CDK14: variants seen among roughly 807,000 people sequenced by gnomAD.
The protein encoded by CDK14 is cyclin dependent kinase 14.
Under a neutral mutation model 60.7 loss-of-function variants are expected in CDK14, and 34 were observed. The observed-to-expected ratio is 0.56, with a 90% CI of 0.43 to 0.75. The LOEUF (loss-of-function observed/expected upper bound fraction) is 0.75. Among genes scored for constraint, CDK14 ranks in the 30% least tolerant of loss-of-function variants. The pLI is 0.00. For synonymous variants in CDK14, 197 were observed against 203.7 expected (o/e 0.97, Z 0.28); for missense variants, 482 against 564.1 (o/e 0.85, Z 1.47).
At chr7:90,883,188 A>G (rs1196657198) in intron 6 of CDK14, among the ~76,000 whole-genome samples, 1 of 152,202 alleles carries the variant, frequency 6.6e-6, no homozygotes, top group Non-Finnish European at 1.5e-5. Flanking sequence ...AACAAAATAC[A>G]CAGCCTCCTA....
intron 8 of CDK14, among the ~76,000 whole-genome samples, chr7:90,937,088 AAATC>A (rs1793778661): frequency 1.3e-5 from 2 of 152,208 alleles, no homozygotes; most frequent in Admixed American, 1.3e-4. Flanking sequence ...CTTAAAAAAT[AAATC>A]AAATAAATAA....
At chr7:91,057,491 C>T (rs927540418) in intron 11 of CDK14, among the ~76,000 whole-genome samples, 3 of 151,868 alleles carry the variant, frequency 2.0e-5, no homozygotes, top group Admixed American at 6.6e-5. Context: ...ATGCCTATGT[C>T]CTGAATGGTA....
chr7:91,159,247 G>A (rs1168007810), intron 14 of CDK14, among the ~76,000 whole-genome samples: 1 of 152,194 alleles, frequency 6.6e-6, no homozygotes, highest in Non-Finnish European at 1.5e-5. Flanking sequence ...GAAAAATGAA[G>A]GTGATTAAAA....
intron 5 of CDK14, among the ~76,000 whole-genome samples, chr7:90,814,231 T>A (rs1209117774): frequency 6.6e-6 from 1 of 151,996 alleles, no homozygotes; most frequent in Non-Finnish European, 1.5e-5. Flanking sequence ...AAATCGTGGG[T>A]AAATTAAAAG....
chr7:90,822,534 C>T (rs547691197), intron 5 of CDK14, among the ~76,000 whole-genome samples: 1 of 152,082 alleles, frequency 6.6e-6, no homozygotes, highest in Non-Finnish European at 1.5e-5. Context: ...TGTCCTGATG[C>T]CCAGTGCTGT....
At chr7:91,039,016 C>T (rs956856133) in intron 10 of CDK14, among the ~76,000 whole-genome samples, 5 of 152,182 alleles carry the variant, frequency 3.3e-5, no homozygotes, top group Non-Finnish European at 7.3e-5. Flanking sequence ...CAGAAGACAA[C>T]ACCAGATCAC....
At chr7:90,732,546 A>G (rs965896362) in intron 3 of CDK14, among the ~76,000 whole-genome samples, 1 of 152,136 alleles carries the variant, frequency 6.6e-6, no homozygotes, top group Non-Finnish European at 1.5e-5. Flanking sequence ...CAGGGATTCT[A>G]CTTCTTCCTG....
At chr7:90,728,404 CT>C (rs915534519) in intron 3 of CDK14, among the ~76,000 whole-genome samples, 1 of 151,454 alleles carries the variant, frequency 6.6e-6, no homozygotes, top group Non-Finnish European at 1.5e-5. Context: ...TATTTTAAAT[CT>C]TTTTTTTCCT....
intron 2 of CDK14, among the ~76,000 whole-genome samples, chr7:90,623,745 T>C (rs1799822064): frequency 6.6e-6 from 1 of 152,184 alleles, no homozygotes; most frequent in Admixed American, 6.5e-5. Context: ...GCAGTTACAG[T>C]GGTGATAATG....
chr7:91,113,899 T>G (rs1421564159), intron 13 of CDK14, among the ~76,000 whole-genome samples: 1 of 152,110 alleles, frequency 6.6e-6, no homozygotes, highest in Non-Finnish European at 1.5e-5. Flanking sequence ...CTACTCCCCT[T>G]AATGCTTAGC....
At chr7:90,674,884 A>G (rs1801166172) in intron 2 of CDK14, among the ~76,000 whole-genome samples, 1 of 152,168 alleles carries the variant, frequency 6.6e-6, no homozygotes, top group South Asian at 2.1e-4. Context: ...CAGGAGCACC[A>G]CACCCCAAAC....
chr7:90,816,168 G>A (rs1398908006), intron 5 of CDK14, among the ~76,000 whole-genome samples: 2 of 152,182 alleles, frequency 1.3e-5, no homozygotes, highest in East Asian at 3.9e-4. Flanking sequence ...TTTGGGCTGA[G>A]CCTTCAAACG....
intron 10 of CDK14, among the ~76,000 whole-genome samples, chr7:90,991,696 C>T (rs1795542066): frequency 6.6e-6 from 1 of 152,076 alleles, no homozygotes; most frequent in African/African-American, 2.4e-5. Flanking sequence ...AGATTTCCTG[C>T]CCCAAAAGTG....
chr7:90,989,410 A>G (rs1433337928), intron 10 of CDK14, among the ~76,000 whole-genome samples: 1 of 152,154 alleles, frequency 6.6e-6, no homozygotes, highest in Non-Finnish European at 1.5e-5. Context: ...CTACTTCAGC[A>G]GTTACTCTGT....
At position 90,596,702 on chromosome 7, in the gene CDK14, G is replaced by C; in HGVS notation, c.75G>C (p.Glu25Asp). Residue 25 changes from glutamate (E) to aspartate (D), a missense_variant, in exon 1 of 15, where the codon GAG (glutamate) becomes GAC (aspartate). Coordinates refer to ENST00000380050, the MANE Select transcript of CDK14 (RefSeq NM_001287135.2). ...KMKKLRRTLS[E>D]SFSRIALKKD... Reference sequence around the variant, plus strand: ...AGAAGTTGCGGAGAACTTTGTCGGAGAGTTTCAGTCGCATTGGTGAGTAGC... The same window carrying C: ...AGAAGTTGCGGAGAACTTTGTCGGACAGTTTCAGTCGCATTGGTGAGTAGC... 6.2e-7 allele frequency: 1 copy of C among 1,611,972 alleles called. No individual in the cohort carries two copies. The highest frequency in any genetic ancestry group is 8.5e-7 in the Non-Finnish European group (1 of 1,179,268).
intron 10 of CDK14, among the ~76,000 whole-genome samples, chr7:91,042,363 C>T (rs1247454370): frequency 6.6e-6 from 1 of 152,092 alleles, no homozygotes; most frequent in African/African-American, 2.4e-5. Flanking sequence ...TCCCTGCACC[C>T]AGGGAGACTC....
chr7:90,770,741 G>A (rs551365781), intron 4 of CDK14, among the ~76,000 whole-genome samples: 4 of 152,224 alleles, frequency 2.6e-5, no homozygotes, highest in Non-Finnish European at 5.9e-5. Context: ...ACCCCTTCAC[G>A]CTTAAGTGAC....
chr7:90,598,098 C>A (rs1272233845), intron 1 of CDK14, among the ~76,000 whole-genome samples: 1 of 152,206 alleles, frequency 6.6e-6, no homozygotes, highest in Non-Finnish European at 1.5e-5. Flanking sequence ...CTGACCCAAA[C>A]CGTCGCAGAG....
intron 14 of CDK14, among the ~76,000 whole-genome samples, chr7:91,166,175 C>T (rs1427928850): frequency 6.6e-6 from 1 of 152,194 alleles, no homozygotes; most frequent in African/African-American, 2.4e-5. Flanking sequence ...TTATGAAATG[C>T]ATATCTGGAT....
Sources: allele counts gnomAD v4.1 joint callset (sites outside exome capture counted in the v4.1 genomes callset), GRCh38; gene constraint gnomAD v4.1.1; transcripts MANE v1.5; gene names NCBI Gene and HGNC (gene_info 2026-07-23, HGNC 2026-07-21).